The following CRLF3 variants were observed in gnomAD, a reference collection of about 807,000 sequenced individuals.
The protein encoded by CRLF3 is cytokine receptor-like factor 3.
A neutral mutation model predicts 55.0 loss-of-function variants in CRLF3; 33 were observed. That is an observed-to-expected ratio of 0.60 (90% CI 0.46 to 0.80). The LOEUF (loss-of-function observed/expected upper bound fraction) is 0.80. Among genes scored for constraint, CRLF3 ranks in the 30% least tolerant of loss-of-function variants. CRLF3 has a pLI of 0.00. For missense variants in CRLF3, 494 were observed against 538.4 expected (o/e 0.92, Z 0.82); for synonymous variants, 238 against 196.8 (o/e 1.21, Z -1.75).
intron 1 of CRLF3, among the ~76,000 whole-genome samples, chr17:30,823,892 T>C (rs1905064347): frequency 6.6e-6 from 1 of 152,180 alleles, no homozygotes; most frequent in Non-Finnish European, 1.5e-5. Flanking sequence ...TCTTCCAACA[T>C]AGCTTCACCT....
At chr17:30,808,779 G>C (rs1198489572) in intron 1 of CRLF3, among the ~76,000 whole-genome samples, 2 of 151,700 alleles carry the variant, frequency 1.3e-5, no homozygotes, top group Non-Finnish European at 2.9e-5. Context: ...ATTTTTAGTA[G>C]AGACGGGGTT....
At chr17:30,793,812 A>G (rs1971861422) in intron 4 of CRLF3, 140 bp from the exon 5 acceptor site, 4 of 614,802 alleles carry the variant, frequency 6.5e-6, no homozygotes, top group South Asian at 2.0e-5. Flanking sequence ...TGGGAAGGCC[A>G]TAGAAAATAT....
At chr17:30,797,023 C>G (rs950545847) in intron 3 of CRLF3, among the ~76,000 whole-genome samples, 3 of 152,072 alleles carry the variant, frequency 2.0e-5, no homozygotes, top group South Asian at 2.1e-4. Flanking sequence ...CTCAGCCTCC[C>G]CAAGTAGCTG....
chr17:30,797,654 C>T (rs1376936242), intron 2 of CRLF3, among the ~76,000 whole-genome samples: 1 of 152,126 alleles, frequency 6.6e-6, no homozygotes, highest in Non-Finnish European at 1.5e-5. Flanking sequence ...AGGAAATCAA[C>T]CAATTTTAGG....
At chr17:30,797,221 C>T in intron 3 of CRLF3, 90 bp downstream of exon 3, 2 of 912,932 alleles carry the variant, frequency 2.2e-6, no homozygotes, top group Non-Finnish European at 3.6e-6. Context: ...TTCTCTATCT[C>T]CCTTAATGAG....
intron 2 of CRLF3, among the ~76,000 whole-genome samples, chr17:30,802,950 A>G (rs1426876893): frequency 6.6e-6 from 1 of 152,014 alleles, no homozygotes; most frequent in Non-Finnish European, 1.5e-5. Flanking sequence ...AGATTGCTTG[A>G]GACCAGGAAT....
intron 7 of CRLF3, 116 bp downstream of exon 7, chr17:30,785,801 AAG>A (rs890883376): frequency 2.7e-5 from 16 of 597,448 alleles, no homozygotes; most frequent in African/African-American, 2.1e-4. Flanking sequence ...AAAAAAGAAA[AAG>A]AAAAATACCT....
In CRLF3 at chr17:30,793,654, C is replaced by T. The variant is rs764184102; in HGVS notation, c.622G>A (p.Ala208Thr). Reference sequence around the variant, plus strand: ...CGAAACTGGAGCCTGTAATCTTGGGCTGTAAAGTCATCATCCACCTAGGGA... The same window carrying T: ...CGAAACTGGAGCCTGTAATCTTGGGTTGTAAAGTCATCATCCACCTAGGGA... ...RWCKVDDDFTAQDYRLQFRKC... is the reference protein window; with the variant it reads ...RWCKVDDDFTTQDYRLQFRKC... The change falls in exon 5 of 8, where the codon GCC becomes ACC. Residue 208 changes from alanine to threonine, a missense_variant. Transcript: ENST00000324238. 3.7e-6 allele frequency: 6 copies of T among 1,613,028 alleles called. No homozygotes were observed. The Admixed American group carries it at 1.0e-4, about 27-fold the overall frequency.
intron 2 of CRLF3, among the ~76,000 whole-genome samples, chr17:30,800,797 C>A: frequency 7.5e-6 from 1 of 133,322 alleles, no homozygotes; most frequent in African/African-American, 2.9e-5. Flanking sequence ...TTTTTTGAGA[C>A]GGAGTCTCGC....
At chr17:30,820,823 CAAAAAAAAA>C (rs1163338509) in intron 1 of CRLF3, among the ~76,000 whole-genome samples, 1 of 65,000 alleles carries the variant, frequency 1.5e-5, no homozygotes, top group Non-Finnish European at 3.0e-5. Flanking sequence ...GAGACTCTCT[CAAAAAAAAA>C]AAAAAAAAAA....
chr17:30,799,144 G>T (rs1389458407), intron 2 of CRLF3, among the ~76,000 whole-genome samples: 3 of 151,874 alleles, frequency 2.0e-5, no homozygotes, highest in Non-Finnish European at 2.9e-5. Flanking sequence ...GTGGTGGCGG[G>T]CGCCTATAAT....
chr17:30,803,553 G>GA (rs1972038676), intron 2 of CRLF3: 1 of 206,646 alleles, frequency 4.8e-6, no homozygotes, highest in African/African-American at 2.3e-5. Context: ...ATCTCATCTC[G>GA]AATTGTACTC....
intron 1 of CRLF3, among the ~76,000 whole-genome samples, chr17:30,817,667 G>A (rs1327480004): frequency 1.3e-5 from 2 of 151,846 alleles, no homozygotes; most frequent in African/African-American, 4.8e-5. Context: ...CAGCACTTTG[G>A]GAGGCCGAGG....
intron 6 of CRLF3, among the ~76,000 whole-genome samples, chr17:30,790,099 T>C (rs912045666): frequency 1.3e-5 from 2 of 152,024 alleles, no homozygotes; most frequent in African/African-American, 4.8e-5. Flanking sequence ...ACTAGTATAA[T>C]CTGACAACCG....
intron 6 of CRLF3, chr17:30,787,807 C>T (rs574830035): frequency 6.6e-6 from 1 of 151,346 alleles, no homozygotes; most frequent in Non-Finnish European, 1.5e-5. Flanking sequence ...CCAAGACCAC[C>T]CTAGGCAACA....
In CRLF3 at chr17:30,802,311, G is replaced by A. The variant is rs1309826948; in HGVS notation, c.337+1590C>T. 4.6e-5 allele frequency among the ~76,000 whole-genome samples: 7 copies of A among 152,016 alleles called. No homozygotes were observed. In the South Asian group the frequency reaches 8.3e-4, roughly 18 times the overall value. On this transcript the variant is annotated intron_variant, in intron 2 of 7. Coordinates refer to ENST00000324238, the MANE Select transcript of CRLF3 (RefSeq NM_015986.4). ...CTATTTTTGTATTTTTAGTAGGGAC[G>A]GGGTTTCACCATGTTGGCCAGGATG...
Position 30,796,302 on chromosome 17 carries a change from C to T in CRLF3, c.461G>A (p.Cys154Tyr). 1 of 1,613,802 alleles carries T rather than the reference C, an allele frequency of 6.2e-7. No homozygotes were observed. The highest frequency in any genetic ancestry group is 8.5e-7 in the Non-Finnish European group (1 of 1,179,878). The change falls in exon 4 of 8, where the codon TGT (cysteine) becomes TAT (tyrosine). Residue 154 changes from cysteine (C) to tyrosine (Y), a missense_variant. Cys to Tyr is a radical substitution (Grantham distance 194). Transcript: ENST00000324238. ...TGAGTCATCCAACTGAGCAGATAAA[C>T]AAGGCACATCAACCAGTAAAGGTAC... ...PEVPLLVDVP[C>Y]LSAQLDDSIL...
chr17:30,788,635 TCTCAC>T (rs1971710142), intron 6 of CRLF3, among the ~76,000 whole-genome samples: 1 of 121,402 alleles, frequency 8.2e-6, no homozygotes, highest in Admixed American at 1.0e-4. Context: ...TGAGACAGCA[TCTCAC>T]TCTGTTGCCC....
At chr17:30,818,892 T>C (rs1904897615) in intron 1 of CRLF3, among the ~76,000 whole-genome samples, 1 of 151,308 alleles carries the variant, frequency 6.6e-6, no homozygotes. Context: ...CTTGGCTCAC[T>C]GCAACCTCCA....
Sources: gnomAD v4.1 joint callset for allele counts (sites outside exome capture counted in the v4.1 genomes callset) on GRCh38, gnomAD v4.1.1 for gene constraint, MANE v1.5 for transcripts, NCBI Gene and HGNC (gene_info 2026-07-23, HGNC 2026-07-21) for gene names.